The following PSMG2 variants were observed in gnomAD, a reference collection of about 807,000 sequenced individuals.
PSMG2 encodes proteasome assembly chaperone 2.
PSMG2 carries 21 observed loss-of-function variants against 31.5 expected under a neutral mutation model. The observed-to-expected ratio is 0.67, with a 90% CI of 0.47 to 0.96. PSMG2 has a LOEUF of 0.96. Ranked by LOEUF, PSMG2 falls within the 40% of genes least tolerant of loss-of-function variation. PSMG2 has a pLI of 0.00. For missense variants in PSMG2, 318 were observed against 321.2 expected (o/e 0.99, Z 0.08); for synonymous variants, 120 against 110.4 (o/e 1.09, Z -0.54).
intron 1 of PSMG2, among the ~76,000 whole-genome samples, chr18:12,704,106 A>G (rs559042543): frequency 6.6e-6 from 1 of 152,200 alleles, no homozygotes; most frequent in Non-Finnish European, 1.5e-5. Context: ...GGGAGTGGCC[A>G]TGTCAAAAGT....
At chr18:12,711,000 T>G (rs1431294511) in intron 2 of PSMG2, among the ~76,000 whole-genome samples, 1 of 152,114 alleles carries the variant, frequency 6.6e-6, no homozygotes, top group Non-Finnish European at 1.5e-5. Context: ...CTCAGGAGGC[T>G]GAGACAGGAG....
chr18:12,701,868 C>G (rs1487374098), upstream of PSMG2, among the ~76,000 whole-genome samples: 1 of 152,214 alleles, frequency 6.6e-6, no homozygotes, highest in Non-Finnish European at 1.5e-5. Flanking sequence ...CGGAGGCTCA[C>G]GCCTGTAATC....
chr18:12,677,385 C>T lies in PSMG2; in HGVS notation c.-37+18612C>T, dbSNP rs546836487. Among the ~76,000 whole-genome samples, 4 of 141,242 alleles carry T rather than the reference C, an allele frequency of 2.8e-5. No individual in the cohort carries two copies. In the East Asian group the frequency reaches 8.3e-4, roughly 29 times the overall value. 92.7% of individuals were successfully genotyped at this position (141,242 alleles called of 152,430 possible). On this transcript the variant is annotated intron_variant, in intron 1 of 6. Transcript: ENST00000585331. ...CCTGGGAGGTAGAGGTTGCAGTGAA[C>T]CAAGATCACGCCACTGTGCCAAGAT...
At chr18:12,718,483 G>A in intron 3 of PSMG2, 34 bp from the exon 4 acceptor site, 1 of 1,401,344 alleles carries the variant, frequency 7.1e-7, no homozygotes, top group Non-Finnish European at 9.9e-7. Context: ...CTAACTTTTA[G>A]ATTTTCTTTT....
intron 5 of PSMG2, among the ~76,000 whole-genome samples, chr18:12,723,824 G>A: frequency 6.6e-6 from 1 of 152,152 alleles, no homozygotes; most frequent in Non-Finnish European, 1.5e-5. Flanking sequence ...TGTGAAGTAG[G>A]TTCCATTATC....
At chr18:12,692,555 T>C (rs1443344640) in intron 1 of PSMG2, among the ~76,000 whole-genome samples, 1 of 151,708 alleles carries the variant, frequency 6.6e-6, no homozygotes, top group East Asian at 1.9e-4. Context: ...CTTCCTGTTG[T>C]TCAGACTCTT....
chr18:12,705,597 G>GTA (rs2145132452), intron 1 of PSMG2, among the ~76,000 whole-genome samples: 1 of 151,986 alleles, frequency 6.6e-6, no homozygotes, highest in Non-Finnish European at 1.5e-5. Context: ...GTGTGTGTGT[G>GTA]TGTGTGTTTA....
intron 1 of PSMG2, chr18:12,674,562 T>C (rs2039054046): frequency 1.2e-6 from 2 of 1,613,964 alleles, no homozygotes; most frequent in Middle Eastern, 3.3e-4. Flanking sequence ...ATGCACGTCT[T>C]GCATTTCTAT....
intron 2 of PSMG2, among the ~76,000 whole-genome samples, chr18:12,711,318 C>T (rs1030135541): frequency 6.6e-6 from 1 of 152,066 alleles, no homozygotes. Flanking sequence ...GTATTGCTAT[C>T]ACCGAAGAAG....
upstream of PSMG2, chr18:12,702,776 G>A (rs565493052): frequency 2.2e-5 from 13 of 579,864 alleles, no homozygotes; most frequent in African/African-American, 1.2e-4. Context: ...CGGACAAACA[G>A]GGCTTGGGGC....
intron 2 of PSMG2, among the ~76,000 whole-genome samples, chr18:12,711,794 C>G (rs2040334906): frequency 8.0e-6 from 1 of 125,686 alleles, no homozygotes; most frequent in Non-Finnish European, 1.6e-5. Context: ...TGTTCTGTTG[C>G]CCAAGCTGGA....
Position 12,692,727 on chromosome 18 carries a change from TCTAG to T in PSMG2, c.-36-13820_-36-13817del, listed in dbSNP as rs1458211803. ...ATCTAAACTCCTTGAGAGCAAGCTG[TCTAG>T]CTGTCTGCTGCCCTATACACAGCTA... On this transcript the variant is annotated intron_variant, in intron 1 of 6. Coordinates refer to the PSMG2 transcript ENST00000585331. Among the ~76,000 whole-genome samples, 3 of 152,260 alleles carry T rather than the reference TCTAG, an allele frequency of 2.0e-5. No homozygotes were observed. In the East Asian group the frequency reaches 5.8e-4, roughly 29 times the overall value.
Position 12,718,571 on chromosome 18 carries a change from TGTGCCAGA to T in PSMG2, c.346_353del (p.Ala116HisfsTer12), listed in dbSNP as rs762417612. 1.2e-6 allele frequency: 2 copies of T among 1,612,532 alleles called. No individual in the cohort carries two copies. Among genetic ancestry groups the T allele is most frequent in the South Asian group, 1.1e-5 (1 of 90,860 alleles). On this transcript the variant is annotated frameshift_variant, in exon 4 of 7. Coordinates refer to ENST00000317615, the MANE Select transcript of PSMG2 (RefSeq NM_020232.5). LOFTEE classifies it high-confidence loss of function. ...GCTTTCCTGGGTGAAAAGCAGTGGC[TGTGCCAGA>T]GTCATTGTTCTTTCAAGCAGTCATT...
upstream of PSMG2, among the ~76,000 whole-genome samples, chr18:12,698,475 T>A (rs2040038904): frequency 6.6e-6 from 1 of 152,132 alleles, no homozygotes; most frequent in Non-Finnish European, 1.5e-5. Context: ...AGCCTATTTT[T>A]TATTTTTTGT....
intron 1 of PSMG2, among the ~76,000 whole-genome samples, chr18:12,675,705 G>C (rs911125664): frequency 2.0e-5 from 3 of 151,878 alleles, no homozygotes; most frequent in African/African-American, 7.3e-5. Context: ...GTCTTACTCT[G>C]TTGCCCAGGC....
chr18:12,680,700 A>G lies in PSMG2; in HGVS notation c.-37+21927A>G, dbSNP rs563059756. 135 of 1,613,268 alleles carry G rather than the reference A, an allele frequency of 8.4e-5. 1 individual carries two copies. The South Asian group carries it at 1.4e-3, about 17-fold the overall frequency. ...AACTCTCCCAAAAAGTGATGGCCCC[A>G]TCAGTTCCACAAGTCATAACCCATG... On this transcript the variant is annotated intron_variant, in intron 1 of 6. Transcript: ENST00000585331.
rs773472463 is a variant in PSMG2, at chr18:12,678,239, G to C, written c.-37+19466G>C. 31 of 1,614,034 alleles carry C rather than the reference G, an allele frequency of 1.9e-5. 1 individual carries two copies. In the South Asian group the frequency reaches 3.1e-4, roughly 16 times the overall value. ...TGTTGTAGCTCCAGGAGCACACACA[G>C]ATTTAATTGCTTCCTCACTCATGGG... On this transcript the variant is annotated intron_variant, in intron 1 of 6. Transcript: ENST00000585331.
intron 2 of PSMG2, 63 bp from the exon 3 acceptor site, chr18:12,712,639 A>G: frequency 4.0e-6 from 5 of 1,254,080 alleles, no homozygotes; most frequent in South Asian, 1.3e-5. Flanking sequence ...TTTGTTTATC[A>G]TAATAATTTC....
At chr18:12,712,321 T>C (rs2040339477) in intron 2 of PSMG2, among the ~76,000 whole-genome samples, 1 of 142,092 alleles carries the variant, frequency 7.0e-6, no homozygotes, top group Non-Finnish European at 1.6e-5. Context: ...GTTGCTGTTC[T>C]CTGGAGACAA....
Sources: allele counts gnomAD v4.1 joint callset (sites outside exome capture counted in the v4.1 genomes callset), GRCh38; gene constraint gnomAD v4.1.1; transcripts MANE v1.5; gene names NCBI Gene and HGNC (gene_info 2026-07-23, HGNC 2026-07-21).